Variants in ADAMTSL2 observed in about 807,000 individuals in gnomAD.
ADAMTSL2 encodes ADAMTS like 2.
In ADAMTSL2, 55 loss-of-function variants were observed where a neutral mutation model predicts 117.0. The ratio of observed to expected loss-of-function variants is 0.47; its 90% CI spans 0.38 to 0.59. The LOEUF (loss-of-function observed/expected upper bound fraction) is 0.59. Ranked by LOEUF, ADAMTSL2 falls within the 20% of genes least tolerant of loss-of-function variation. The pLI is 0.00. For synonymous variants in ADAMTSL2, 572 were observed against 566.4 expected (o/e 1.01, Z -0.14); for missense variants, 1,182 against 1,354.5 (o/e 0.87, Z 2.00).
intron 9 of ADAMTSL2, among the ~76,000 whole-genome samples, chr9:133,548,901 G>C (rs921067999): frequency 1.3e-5 from 2 of 152,160 alleles, no homozygotes; most frequent in African/African-American, 4.8e-5. Context: ...GAATTGCATT[G>C]GTTTCTTTCT....
chr9:133,563,367 T>G (rs1830792890), intron 12 of ADAMTSL2, among the ~76,000 whole-genome samples: 1 of 152,226 alleles, frequency 6.6e-6, no homozygotes. Flanking sequence ...GCCAAGTCCT[T>G]TGCGGACCTG....
intron 17 of ADAMTSL2, among the ~76,000 whole-genome samples, chr9:133,571,256 C>T (rs1227331970): frequency 6.6e-5 from 10 of 152,180 alleles, no homozygotes; most frequent in Non-Finnish European, 1.3e-4. Context: ...CTCTCTGGCC[C>T]ACTCGGGGTC....
Position 133,570,366 on chromosome 9 carries a change from G to A in ADAMTSL2, c.2451G>A (p.Arg817=), listed in dbSNP as rs1278217416. 3 of 1,554,272 alleles carry A rather than the reference G, an allele frequency of 1.9e-6. No individual in the cohort carries two copies. Among genetic ancestry groups the A allele is most frequent in the Non-Finnish European group, 2.6e-6 (3 of 1,150,654 alleles). Residue 817 remains arginine (R), a synonymous_variant, in exon 17 of 19, where the codon CGG becomes CGA. Transcript: ENST00000651351. ...CCTGCGGGCGCGGGGTCAAGAAGCGGCTGGTGCTCTGCATGGAGCTGGCCA... is the reference window on the plus strand; with the variant it reads ...CCTGCGGGCGCGGGGTCAAGAAGCGACTGGTGCTCTGCATGGAGCTGGCCA... ...NTTCGRGVKK[R]LVLCMELANG...
intron 12 of ADAMTSL2, among the ~76,000 whole-genome samples, chr9:133,564,368 G>A (rs1588304172): frequency 3.5e-5 from 2 of 57,182 alleles, no homozygotes; most frequent in East Asian, 4.1e-4. Flanking sequence ...GAGAGAGGGA[G>A]AGAGAGGGAG....
At chr9:133,543,782 T>C (rs1217171359) in intron 7 of ADAMTSL2, among the ~76,000 whole-genome samples, 1 of 152,220 alleles carries the variant, frequency 6.6e-6, no homozygotes, top group Non-Finnish European at 1.5e-5. Context: ...CTCCCCAGGC[T>C]CCTCTCTCAG....
In ADAMTSL2 at chr9:133,569,577, G is replaced by A. The variant is rs1831057052; in HGVS notation, c.2414G>A (p.Arg805Gln). Residue 805 changes from arginine to glutamine, a missense_variant and splice_region_variant, in exon 16 of 19, where the codon CGG becomes CAG. Arg to Gln is a conservative substitution (Grantham distance 43). Transcript: ENST00000651351. ...CACTGGCTGGCCCAGGACTGGGAGC[G>A]GGTGAGTGCCCCAGAGCCCGCGGAA... ...PAHWLAQDWERCNTTCGRGVK... is the reference protein window; with the variant it reads ...PAHWLAQDWEQCNTTCGRGVK... The A allele has an allele frequency of 1.3e-6, 2 of 1,567,510 alleles. No homozygotes were observed. Among genetic ancestry groups the A allele is most frequent in the Non-Finnish European group, 8.7e-7 (1 of 1,155,392 alleles).
At chr9:133,560,898 G>A (rs906509688) in intron 11 of ADAMTSL2, among the ~76,000 whole-genome samples, 2 of 152,336 alleles carry the variant, frequency 1.3e-5, no homozygotes, top group East Asian at 1.9e-4. Context: ...AGTGCTGGGG[G>A]CCCCAAATTC....
rs1830990434 is a variant in ADAMTSL2, at chr9:133,567,045, G to A, written c.1857G>A (p.Gly619=). 2 of 1,609,252 alleles carry A rather than the reference G, an allele frequency of 1.2e-6. No individual in the cohort carries two copies. Among genetic ancestry groups the A allele is most frequent in the Non-Finnish European group, 1.7e-6 (2 of 1,179,626 alleles). Residue 619 remains glycine (G), a synonymous_variant, in exon 13 of 19, where the codon GGG becomes GGA. Coordinates refer to ENST00000651351, the MANE Select transcript of ADAMTSL2 (RefSeq NM_014694.4). ...AGCCTGTCCACGAGTTCTGCGCTGG[G>A]AGGGAGTGCCAGCCCAGGTACCTGC... ...RPEPVHEFCA[G]RECQPRWETS...
chr9:133,534,696 G>A (rs1188989963), upstream of ADAMTSL2: 1 of 1,356,156 alleles, frequency 7.4e-7, no homozygotes, highest in Non-Finnish European at 9.5e-7. Context: ...CGCCGGCGCA[G>A]AGCCGCCACT....
At chr9:133,574,055 T>C (rs1831172005) in intron 18 of ADAMTSL2, 68 bp downstream of exon 18, 2 of 1,545,320 alleles carry the variant, frequency 1.3e-6, no homozygotes, top group South Asian at 1.2e-5. Context: ...AGTCAGGGCC[T>C]GAGGGGTGAG....
chr9:133,569,258 A>G, intron 15 of ADAMTSL2, 150 bp from the exon 16 acceptor site: 1 of 732,674 alleles, frequency 1.4e-6, no homozygotes. Context: ...CTGTAATTAG[A>G]ATAGAAAATG....
chr9:133,571,143 A>G (rs1831097000), intron 17 of ADAMTSL2, among the ~76,000 whole-genome samples: 1 of 152,194 alleles, frequency 6.6e-6, no homozygotes, highest in South Asian at 2.1e-4. Context: ...GCCCTGAGGC[A>G]CGTGTGGCAA....
At chr9:133,568,011 G>A (rs895263053) in intron 13 of ADAMTSL2, among the ~76,000 whole-genome samples, 11 of 152,318 alleles carry the variant, frequency 7.2e-5, no homozygotes, top group Admixed American at 2.6e-4. Flanking sequence ...AGCAGGGCAC[G>A]AAGGGGCAGG....
At chr9:133,563,873 G>A (rs1412431743) in intron 12 of ADAMTSL2, among the ~76,000 whole-genome samples, 1 of 69,164 alleles carries the variant, frequency 1.4e-5, no homozygotes, top group African/African-American at 6.1e-5. Flanking sequence ...GGGAGAGAGA[G>A]AGAGAGAGAG....
chr9:133,569,908 C>T (rs931883771), intron 16 of ADAMTSL2, among the ~76,000 whole-genome samples: 3 of 152,346 alleles, frequency 2.0e-5, no homozygotes, highest in East Asian at 1.9e-4. Context: ...GGGGCCTTTG[C>T]GACCTCTGAT....
rs539727283 is a variant in ADAMTSL2 at position 133,538,364 on chromosome 9, G to A, written c.249G>A (p.Pro83=). The A allele has an allele frequency of 1.0e-4, 164 of 1,613,370 alleles. No homozygotes were observed. Among genetic ancestry groups the A allele is most frequent in the Non-Finnish European group, 1.2e-4 (140 of 1,180,030 alleles). Residue 83 remains proline, a synonymous_variant, in exon 4 of 19, where the codon CCG becomes CCA. Coordinates refer to ENST00000651351, the MANE Select transcript of ADAMTSL2 (RefSeq NM_014694.4). ...TTTCTGCCAGGAGGAAGTCCGTCCC[G>A]GGCCCCGGGAACAGGACCTGCACGG... ...HCLQQRRKSV[P]GPGNRTCTGT... is the part of the protein sequence containing the mutation.
At chr9:133,540,256 TCTC>T (rs919032253) in intron 5 of ADAMTSL2, among the ~76,000 whole-genome samples, 5 of 152,092 alleles carry the variant, frequency 3.3e-5, no homozygotes, top group African/African-American at 4.8e-5. Flanking sequence ...GCTTCATCCT[TCTC>T]CTGCTCACCC....
chr9:133,540,800 G>T, intron 6 of ADAMTSL2, 57 bp downstream of exon 6: 1 of 1,613,386 alleles, frequency 6.2e-7, no homozygotes, highest in African/African-American at 1.3e-5. Context: ...CTGCCCGCCC[G>T]CCTGTGGGAG....
chr9:133,544,197 TG>T (rs1346798224), intron 7 of ADAMTSL2, among the ~76,000 whole-genome samples: 1 of 152,188 alleles, frequency 6.6e-6, no homozygotes, highest in African/African-American at 2.4e-5. Flanking sequence ...CATGTCCCTG[TG>T]GCCCTCGCTG....
Sources: gnomAD v4.1 joint callset for allele counts (sites outside exome capture counted in the v4.1 genomes callset) on GRCh38, gnomAD v4.1.1 for gene constraint, MANE v1.5 for transcripts, NCBI Gene and HGNC (gene_info 2026-07-23, HGNC 2026-07-21) for gene names.